UBR4: variants seen among roughly 807,000 people sequenced by gnomAD.
UBR4 encodes ubiquitin protein ligase E3 component n-recognin 4.
In UBR4, 124 loss-of-function variants were observed where a neutral mutation model predicts 575.6. The ratio of observed to expected loss-of-function variants is 0.22; its 90% confidence interval spans 0.19 to 0.25. The LOEUF is 0.25. Ranked by LOEUF, UBR4 falls within the 10% of genes least tolerant of loss-of-function variation. The pLI is 1.00. For synonymous variants in UBR4, 2,455 were observed against 2,473.7 expected (o/e 0.99, Z 0.22); for missense variants, 4,818 against 6,478.8 (o/e 0.74, Z 8.80).
At chr1:19,104,751 A>T (rs1375433549) in intron 85 of UBR4, 85 bp from the exon 86 acceptor site, 1 of 1,388,752 alleles carries the variant, frequency 7.2e-7, no homozygotes, top group Non-Finnish European at 1.0e-6. Flanking sequence ...AGCTTGCAGC[A>T]CCAGACACTC....
intron 104 of UBR4, chr1:19,077,772 A>C (rs1433977720): frequency 1.3e-6 from 2 of 1,506,132 alleles, no homozygotes; most frequent in South Asian, 2.4e-5. Flanking sequence ...AAAACCAAAC[A>C]AAACAAATGT....
intron 11 of UBR4, among the ~76,000 whole-genome samples, chr1:19,189,678 T>A (rs1360904174): frequency 6.6e-6 from 1 of 152,224 alleles, no homozygotes. Flanking sequence ...GCTTGTCACT[T>A]ATACAACATA....
chr1:19,193,299 G>A, intron 9 of UBR4, 134 bp downstream of exon 9: 1 of 1,242,792 alleles, frequency 8.0e-7, no homozygotes, highest in Non-Finnish European at 1.1e-6. Flanking sequence ...CTACCTCTTA[G>A]ACCTACTAGT....
At chr1:19,127,787 G>A in intron 62 of UBR4, 48 bp from the exon 63 acceptor site, 3 of 1,472,358 alleles carry the variant, frequency 2.0e-6, no homozygotes, top group South Asian at 2.3e-5. Flanking sequence ...CTCGATGCTT[G>A]AGGCATCCTC....
intron 26 of UBR4, 147 bp from the exon 27 acceptor site, chr1:19,169,679 T>C (rs1452988352): frequency 6.8e-6 from 4 of 585,072 alleles, no homozygotes; most frequent in Non-Finnish European, 1.2e-5. Context: ...GATATTTCAA[T>C]AGCAGTACTA....
In UBR4 at chr1:19,176,687, C is replaced by T. The variant is rs111984259; in HGVS notation, c.2678G>A (p.Ser893Asn). 2,518 of 1,614,088 alleles carry T rather than the reference C, an allele frequency of 1.6e-3. 23 individuals are homozygous for T. The highest frequency in any genetic ancestry group is 0.013 in the African/African-American group (982 of 75,036). Residue 893 changes from serine (S) to asparagine (N), a missense_variant, in exon 20 of 106, where the codon AGT becomes AAT. Physicochemically the swap from Ser to Asn is conservative, Grantham distance 46. Coordinates refer to ENST00000375254, the MANE Select transcript of UBR4 (RefSeq NM_020765.3). Reference protein sequence around the residue: ...NLLSPPFGWASGSQDSNSRRA... With the variant: ...NLLSPPFGWANGSQDSNSRRA... ...GCGGCTGTTGCTGTCCTGGGATCCACTTGCCCACCCAAAGGGAGGACTTAG... is the reference window on the plus strand; with the variant it reads ...GCGGCTGTTGCTGTCCTGGGATCCATTTGCCCACCCAAAGGGAGGACTTAG...
Position 19,152,501 on chromosome 1 carries a change from C to T in UBR4, c.6833-25G>A, listed in dbSNP as rs746388296. The T allele has an allele frequency of 7.4e-6, 12 of 1,612,578 alleles. No individual in the cohort carries two copies. The highest frequency in any genetic ancestry group is 1.3e-5 in the African/African-American group (1 of 74,892). ...GCTGCAGAGAACGGTACCAGATCGT[C>T]AAGAGTCTCTCCCACCTCTGCCCCA... On this transcript the variant is annotated intron_variant, in intron 46 of 105. Coordinates refer to ENST00000375254, the MANE Select transcript of UBR4 (RefSeq NM_020765.3). This position sits in a 1 kb window ranked among gnomAD's most constrained non-coding sequence, Gnocchi z 4.4.
intron 27 of UBR4, 107 bp from the exon 28 acceptor site, chr1:19,168,291 A>C (rs2088858550): frequency 9.1e-7 from 1 of 1,094,762 alleles, no homozygotes; most frequent in Non-Finnish European, 1.3e-6. Flanking sequence ...GACGTTTGTA[A>C]ACAATAGCCT....
intron 87 of UBR4, 141 bp downstream of exon 87, chr1:19,103,943 G>T: frequency 9.9e-7 from 1 of 1,005,122 alleles, no homozygotes; most frequent in Non-Finnish European, 1.5e-6. Context: ...ACTTTGTCAA[G>T]AAATGAGTCT....
intron 11 of UBR4, 95 bp downstream of exon 11, chr1:19,192,093 T>C (rs2092130712): frequency 6.9e-7 from 1 of 1,439,220 alleles, no homozygotes; most frequent in Non-Finnish European, 9.3e-7. Flanking sequence ...GGAAGGCAAA[T>C]TTTCCTATTG....
Position 19,147,004 on chromosome 1 carries a change from T to C in UBR4, c.7630-4A>G. On this transcript the variant is annotated splice_region_variant and splice_polypyrimidine_tract_variant and intron_variant, in intron 51 of 105. Transcript: ENST00000375254. ...CTTTGCTCAGCAAGGCCTGATCCTG[T>C]AAAACAACAGGAGCACAGAGGGTCA... 1 of 1,589,086 alleles carries C rather than the reference T, an allele frequency of 6.3e-7. No individual in the cohort carries two copies. Among genetic ancestry groups the C allele is most frequent in the African/African-American group, 1.3e-5 (1 of 74,412 alleles).
chr1:19,122,346 T>A (rs1048651791), intron 66 of UBR4, among the ~76,000 whole-genome samples: 2 of 152,240 alleles, frequency 1.3e-5, no homozygotes, highest in African/African-American at 2.4e-5. Context: ...TCTTGATATA[T>A]AACGATAAGC....
rs1478224689 is a variant in UBR4, at chr1:19,151,863, T to C, written c.6997-4A>G. 6.3e-7 allele frequency: 1 copy of C among 1,577,510 alleles called. No individual in the cohort carries two copies. The highest frequency in any genetic ancestry group is 2.2e-5 in the East Asian group (1 of 44,520). The stretch of plus-strand genomic sequence containing the variant: ...TCTCAATGGTGAAGCCTCCGGGCTG[T>C]AGGGAGACAAGGCACACATCAAGAA... On this transcript the variant is annotated splice_polypyrimidine_tract_variant and splice_region_variant and intron_variant, in intron 47 of 105. Transcript: ENST00000375254.
At chr1:19,095,475 G>A (rs2077943071) in intron 93 of UBR4, 70 bp downstream of exon 93, 3 of 1,438,502 alleles carry the variant, frequency 2.1e-6, no homozygotes, top group Non-Finnish European at 2.9e-6. Flanking sequence ...TCTGAGCCCA[G>A]AACTGAGAGG....
At position 19,154,983 on chromosome 1, in the gene UBR4, T is replaced by C. The variant is rs117574323; in HGVS notation, c.6393A>G (p.Ser2131=). 1,630 of 1,614,192 alleles carry C rather than the reference T, an allele frequency of 1.0e-3. 33 individuals are homozygous for C. In the East Asian group the frequency reaches 0.03, roughly 30 times the overall value. Residue 2131 remains serine, a synonymous_variant, in exon 44 of 106, where the codon TCA becomes TCG. Coordinates refer to ENST00000375254, the MANE Select transcript of UBR4 (RefSeq NM_020765.3). ...MLFFSYCQGK[S]FAATISRTTL... ...TTGTCCTGCTGATGGTGGCTGCGAA[T>C]GATTTGCCTTGACAATAGCTGAAGA... is the stretch of plus-strand genomic sequence containing the variant.
rs533627774 is a variant in UBR4, at chr1:19,081,999, C to G, written c.15009-426G>C. 70 of 582,184 alleles carry G rather than the reference C, an allele frequency of 1.2e-4. 2 individuals are homozygous for G. The South Asian group carries it at 1.4e-3, about 11-fold the overall frequency. The allele number at this position is 582,184 out of a possible 1,614,324, so 36.1% of individuals were successfully genotyped here. On this transcript the variant is annotated intron_variant, in intron 102 of 105. Transcript: ENST00000375254. ...GGCCAAAAACATGAATCAAGATTCCCTGGTGGGTCCACAGCCTGACTCCCC... is the reference window on the plus strand; with the variant it reads ...GGCCAAAAACATGAATCAAGATTCCGTGGTGGGTCCACAGCCTGACTCCCC...
At chr1:19,166,407 C>T (rs1038218076) in intron 29 of UBR4, among the ~76,000 whole-genome samples, 2 of 148,204 alleles carry the variant, frequency 1.3e-5, no homozygotes, top group African/African-American at 4.9e-5. Context: ...TAGTGCAGCA[C>T]TTGATAGTCA....
rs774740164 is a variant in UBR4 at position 19,121,176 on chromosome 1, G to C, written c.10141+13C>G. ...CATCATTGTAGTCACAATGACAAGA[G>C]GGTGACCCTTACCATCTTTCTCCTT... On this transcript the variant is annotated intron_variant, in intron 68 of 105. Coordinates refer to ENST00000375254, the MANE Select transcript of UBR4 (RefSeq NM_020765.3). 5.0e-6 allele frequency: 8 copies of C among 1,612,548 alleles called. No homozygotes were observed. In the Admixed American group the frequency reaches 1.0e-4, roughly 20 times the overall value.
rs2080681161 is a variant in UBR4, at chr1:19,117,524, A to AT, written c.10630-111dup. ...ATCCACAAGATGAAGTTTCTATTTA[A>AT]TTTTTTAAAAAATATTTTGTAGAGA... On this transcript the variant is annotated intron_variant, in intron 72 of 105. Coordinates refer to ENST00000375254, the MANE Select transcript of UBR4 (RefSeq NM_020765.3). This position sits in a 1 kb window ranked among gnomAD's most constrained non-coding sequence, Gnocchi z 4.0. 1 of 1,261,874 alleles carries AT rather than the reference A, an allele frequency of 7.9e-7. No homozygotes were observed. 78.2% of individuals were successfully genotyped at this position (1,261,874 alleles called of 1,614,324 possible).
Sources: allele counts gnomAD v4.1 joint callset (sites outside exome capture counted in the v4.1 genomes callset), GRCh38; gene constraint gnomAD v4.1.1; non-coding constraint Gnocchi (gnomAD v3.1); transcripts MANE v1.5; gene names NCBI Gene and HGNC (gene_info 2026-07-23, HGNC 2026-07-21).